Variants in PLBD1 observed in about 807,000 individuals in gnomAD.
PLBD1 encodes lysosomal leucine aminopeptidase.
Under a neutral mutation model 63.0 loss-of-function variants are expected in PLBD1, and 60 were observed. The ratio of observed to expected loss-of-function variants is 0.95; its 90% CI spans 0.77 to 1.18. PLBD1 has a LOEUF of 1.18. Among genes scored for constraint, PLBD1 ranks in the 50% most tolerant of loss-of-function variants. PLBD1 has a pLI of 0.00. For missense variants in PLBD1, 598 were observed against 677.9 expected (o/e 0.88, Z 1.31); for synonymous variants, 262 against 248.0 (o/e 1.06, Z -0.53).
chr12:14,560,996 G>A (rs1430861508), intron 1 of PLBD1, among the ~76,000 whole-genome samples: 3 of 151,852 alleles, frequency 2.0e-5, no homozygotes, highest in South Asian at 2.1e-4. Flanking sequence ...CTCCATGTCT[G>A]CATGTGCTCC....
intron 6 of PLBD1, among the ~76,000 whole-genome samples, chr12:14,534,258 A>C (rs1196874590): frequency 1.3e-5 from 2 of 152,220 alleles, no homozygotes; most frequent in African/African-American, 4.8e-5. Flanking sequence ...TGCGTAATTA[A>C]AGGTCAAACT....
chr12:14,539,583 C>G (rs1476221696), intron 4 of PLBD1, among the ~76,000 whole-genome samples: 1 of 151,700 alleles, frequency 6.6e-6, no homozygotes, highest in African/African-American at 2.4e-5. Flanking sequence ...GTCAGGAGTT[C>G]GAGACTAGCC....
At chr12:14,561,885 A>G (rs1945744657) in intron 1 of PLBD1, among the ~76,000 whole-genome samples, 2 of 152,196 alleles carry the variant, frequency 1.3e-5, no homozygotes. Flanking sequence ...CTGGCTGGGA[A>G]GGTCACACCT....
intron 6 of PLBD1, among the ~76,000 whole-genome samples, chr12:14,530,408 C>G (rs929456494): frequency 6.6e-6 from 1 of 152,170 alleles, no homozygotes; most frequent in Non-Finnish European, 1.5e-5. Context: ...GTAACTAAAT[C>G]ATTATTGTTT....
chr12:14,524,280 TA>T (rs1261872369), intron 6 of PLBD1, among the ~76,000 whole-genome samples: 1 of 152,092 alleles, frequency 6.6e-6, no homozygotes, highest in Non-Finnish European at 1.5e-5. Context: ...TTATATATTT[TA>T]AATAACTAGA....
At chr12:14,562,684 A>AT (rs1565582301) in intron 1 of PLBD1, among the ~76,000 whole-genome samples, 1 of 152,226 alleles carries the variant, frequency 6.6e-6, no homozygotes, top group East Asian at 1.9e-4. Flanking sequence ...ATTGTAACAT[A>AT]TAAGTTGTAT....
At chr12:14,519,105 A>G (rs1438409072) in intron 6 of PLBD1, among the ~76,000 whole-genome samples, 2 of 152,214 alleles carry the variant, frequency 1.3e-5, no homozygotes, top group African/African-American at 4.8e-5. Flanking sequence ...GAACATTAGT[A>G]CAGCATTGGT....
In PLBD1 at chr12:14,517,294, C is replaced by T. The variant is rs1205203702; in HGVS notation, c.845-5583G>A. 2.0e-5 allele frequency among the ~76,000 whole-genome samples: 3 copies of T among 152,026 alleles called. No homozygotes were observed. The East Asian group carries it at 5.8e-4, about 30-fold the overall frequency. On this transcript the variant is annotated intron_variant, in intron 6 of 10. Transcript: ENST00000240617. ...CTGAGTAGCTGGGGCTACAGGCATG[C>T]ACCACCACACCTGGCTAAATTTTTT...
Position 14,567,546 on chromosome 12 carries a change from CCCGGGCGCCCCCCGCCCAGG to C in PLBD1, c.115+16_115+35del. 2 of 1,465,210 alleles carry C rather than the reference CCCGGGCGCCCCCCGCCCAGG, an allele frequency of 1.4e-6. No individual in the cohort carries two copies. The allele number at this position is 1,465,210 out of a possible 1,614,324, so 90.8% of individuals were successfully genotyped here. On this transcript the variant is annotated intron_variant, in intron 1 of 10. Transcript: ENST00000240617. ...GCGCTAACAGGCTCCTAGGAGCCTC[CCCGGGCGCCCCCCGCCCAGG>C]GCGCGCTCTGCTCACCTGCAGGTTT...
chr12:14,557,787 T>C (rs556566504), intron 1 of PLBD1, among the ~76,000 whole-genome samples: 75 of 152,156 alleles, frequency 4.9e-4, no homozygotes, highest in African/African-American at 1.6e-3. Flanking sequence ...GTGACACACA[T>C]TTACCTATAC....
chr12:14,561,031 A>G (rs1945739446), intron 1 of PLBD1, among the ~76,000 whole-genome samples: 1 of 151,814 alleles, frequency 6.6e-6, no homozygotes, highest in South Asian at 2.1e-4. Context: ...GTGATTTCAG[A>G]GACGCCCTGA....
chr12:14,554,548 A>C (rs1945685937), intron 1 of PLBD1, among the ~76,000 whole-genome samples: 3 of 152,132 alleles, frequency 2.0e-5, no homozygotes, highest in African/African-American at 7.2e-5. Context: ...AGAGCTGTGA[A>C]CATGACTGGC....
At chr12:14,550,708 G>A (rs995052262) in intron 2 of PLBD1, among the ~76,000 whole-genome samples, 6 of 151,720 alleles carry the variant, frequency 4.0e-5, no homozygotes, top group South Asian at 2.1e-4. Context: ...GGGAAACCCC[G>A]TCTCTACTAA....
chr12:14,559,234 CT>C (rs2136934395), intron 1 of PLBD1, among the ~76,000 whole-genome samples: 1 of 152,318 alleles, frequency 6.6e-6, no homozygotes, highest in African/African-American at 2.4e-5. Context: ...CGGACTGTTT[CT>C]GCTTAACACT....
chr12:14,543,882 G>A (rs1041786661), intron 2 of PLBD1, among the ~76,000 whole-genome samples: 5 of 151,928 alleles, frequency 3.3e-5, no homozygotes, highest in African/African-American at 1.2e-4. Flanking sequence ...ACGTCTTTGG[G>A]TGGTAAACTT....
At chr12:14,545,826 A>T (rs1478607165) in intron 2 of PLBD1, among the ~76,000 whole-genome samples, 1 of 151,944 alleles carries the variant, frequency 6.6e-6, no homozygotes, top group East Asian at 1.9e-4. Context: ...TTTTTTTTCA[A>T]ATTACCTGTG....
At chr12:14,559,355 G>T (rs1444002233) in intron 1 of PLBD1, among the ~76,000 whole-genome samples, 2 of 152,062 alleles carry the variant, frequency 1.3e-5, no homozygotes, top group Non-Finnish European at 2.9e-5. Context: ...TTGAGCTGGG[G>T]TCTCGCTCTG....
intron 4 of PLBD1, 33 bp downstream of exon 4, chr12:14,540,731 T>TATA: frequency 6.5e-7 from 1 of 1,535,674 alleles, no homozygotes; most frequent in Non-Finnish European, 8.8e-7. Context: ...TACCATACTC[T>TATA]ATAAATTCTG....
At chr12:14,506,742 C>CTCTT (rs886073023) in intron 9 of PLBD1, among the ~76,000 whole-genome samples, 191 bp downstream of exon 9, 5 of 151,276 alleles carry the variant, frequency 3.3e-5, no homozygotes, top group African/African-American at 1.2e-4. Context: ...AATGTATAGA[C>CTCTT]TCTTCTCTTT....
Sources: allele counts gnomAD v4.1 joint callset (sites outside exome capture counted in the v4.1 genomes callset), GRCh38; gene constraint gnomAD v4.1.1; transcripts MANE v1.5; gene names NCBI Gene and HGNC (gene_info 2026-07-23, HGNC 2026-07-21).